CCDC57: variants seen among roughly 807,000 people sequenced by gnomAD.
The protein encoded by CCDC57 is coiled-coil domain containing 57.
In CCDC57, 118 loss-of-function variants were observed where a neutral mutation model predicts 118.9. The observed-to-expected ratio is 0.99, with a 90% CI of 0.86 to 1.16. The LOEUF (loss-of-function observed/expected upper bound fraction) is 1.16. Among genes scored for constraint, CCDC57 ranks in the 50% most tolerant of loss-of-function variants. The pLI is 0.00. For missense variants in CCDC57, 1,300 were observed against 1,320.7 expected, an observed-to-expected ratio of 0.98 and a Z score of 0.24; for synonymous variants, 527 against 532.9, an observed-to-expected ratio of 0.99 and a Z score of 0.15.
chr17:82,196,944 C>T (rs942037086), intron 4 of CCDC57, among the ~76,000 whole-genome samples: 3 of 144,890 alleles, frequency 2.1e-5, no homozygotes, highest in African/African-American at 5.2e-5. Flanking sequence ...CGCAGCCCCT[C>T]GTGACTCCTG....
At chr17:82,151,882 G>T in intron 15 of CCDC57, 109 bp from the exon 15 acceptor site, 1 of 904,362 alleles carries the variant, frequency 1.1e-6, no homozygotes, top group Non-Finnish European at 1.6e-6. Context: ...GGTGGGCACT[G>T]CTGGCTGTCA....
chr17:82,115,736 C>G (rs2035800263), intron 19 of CCDC57, among the ~76,000 whole-genome samples: 1 of 151,354 alleles, frequency 6.6e-6, no homozygotes, highest in African/African-American at 2.4e-5. Flanking sequence ...CCACTGCACT[C>G]CAGCCGGGGC....
At chr17:82,116,104 T>TTC (rs1196687542) in intron 19 of CCDC57, among the ~76,000 whole-genome samples, 1 of 144,246 alleles carries the variant, frequency 6.9e-6, no homozygotes, top group African/African-American at 2.6e-5. Context: ...GCCACAACCT[T>TTC]TTTTTTTTTT....
chr17:82,196,972 C>A lies in CCDC57; in HGVS notation c.516+1342G>T, dbSNP rs535868000. Among the ~76,000 whole-genome samples the A allele has an allele frequency of 4.7e-3, 670 of 143,490 alleles. 12 individuals are homozygous for A. Among genetic ancestry groups the A allele is most frequent in the African/African-American group, 0.017 (647 of 37,138 alleles). 94.1% of individuals were successfully genotyped at this position (143,490 alleles called of 152,430 possible). On this transcript the variant is annotated intron_variant, in intron 4 of 19. Coordinates refer to ENST00000665763, the Ensembl canonical transcript of CCDC57. ...GACTCCTGCACCTGCAGAGACGCAG[C>A]CCCTCGTGACTCCTGCAGAGACTCA...
At chr17:82,145,684 C>G (rs1049843610) in intron 16 of CCDC57, among the ~76,000 whole-genome samples, 1 of 152,188 alleles carries the variant, frequency 6.6e-6, no homozygotes, top group Non-Finnish European at 1.5e-5. Context: ...AGGCACTGCC[C>G]ACTCTGTGGG....
intron 16 of CCDC57, among the ~76,000 whole-genome samples, chr17:82,136,945 C>A (rs1019280688): frequency 1.3e-5 from 2 of 151,714 alleles, no homozygotes; most frequent in African/African-American, 4.8e-5. Context: ...TTTTAAAAAG[C>A]CATGAAATGT....
Position 82,115,587 on chromosome 17 carries a change from A to G in CCDC57, c.2899+12105T>C, listed in dbSNP as rs114907353. On this transcript the variant is annotated intron_variant, in intron 19 of 19. Transcript: ENST00000665763. The stretch of plus-strand genomic sequence containing the variant: ...GGAGTTCAAGACCATATTGGGCAAC[A>G]TAGTAAGACCCTGTCTGTACAAAAA... Among the ~76,000 whole-genome samples the G allele has an allele frequency of 7.1e-3, 1,077 of 151,954 alleles. 10 individuals carry two copies. Among genetic ancestry groups the G allele is most frequent in the African/African-American group, 0.025 (1,051 of 41,476 alleles).
rs112145940 is a variant in CCDC57, at chr17:82,194,905, C to T, written c.618+358G>A. Among the ~76,000 whole-genome samples, 31 of 152,386 alleles carry T rather than the reference C, an allele frequency of 2.0e-4. 2 individuals are homozygous for T. The highest frequency in any genetic ancestry group is 7.2e-4 in the African/African-American group (30 of 41,594). On this transcript the variant is annotated intron_variant, in intron 5 of 19. Coordinates refer to ENST00000665763, the Ensembl canonical transcript of CCDC57. ...TGGCTGCTGCACCCAAGCCTGCTGACATGAGGACCGGGCTGCGCCCGGCAT... is the reference window on the plus strand; with the variant it reads ...TGGCTGCTGCACCCAAGCCTGCTGATATGAGGACCGGGCTGCGCCCGGCAT...
At chr17:82,202,762 A>C (rs2049150687) in intron 2 of CCDC57, among the ~76,000 whole-genome samples, 1 of 152,218 alleles carries the variant, frequency 6.6e-6, no homozygotes, top group South Asian at 2.1e-4. Context: ...AAAATTAAAA[A>C]AATAAATTAA....
At chr17:82,113,897 G>A in intron 19 of CCDC57, 1 of 551,812 alleles carries the variant, frequency 1.8e-6, no homozygotes, top group Admixed American at 3.1e-5. Context: ...AGTGAACCAA[G>A]ATTGTGCCAC....
chr17:82,170,324 G>A lies in CCDC57; in HGVS notation c.1882+1377C>T, dbSNP rs1472465364. Among the ~76,000 whole-genome samples the A allele has an allele frequency of 7.9e-5, 12 of 152,120 alleles. No individual in the cohort carries two copies. In the East Asian group the frequency reaches 2.1e-3, roughly 27 times the overall value. On this transcript the variant is annotated intron_variant, in intron 13 of 19. Coordinates refer to ENST00000665763, the Ensembl canonical transcript of CCDC57. ...GGAGTTCGGGACCAGCCTGACCAAC[G>A]TGGTGAAACCTCATCTCTACTAAAA...
chr17:82,144,250 T>C (rs948230331), intron 16 of CCDC57, among the ~76,000 whole-genome samples: 1 of 151,856 alleles, frequency 6.6e-6, no homozygotes, highest in Non-Finnish European at 1.5e-5. Flanking sequence ...ATAGAGACTA[T>C]AGTGAGCTAC....
chr17:82,113,814 T>C (rs1181019012), intron 19 of CCDC57: 2 of 621,318 alleles, frequency 3.2e-6, no homozygotes, highest in Admixed American at 5.0e-5. Flanking sequence ...GCTATGGTGA[T>C]GTGCACCTGT....
exon 16 of CCDC57, chr17:82,151,770 G>C (rs552628951): frequency 6.5e-6 from 10 of 1,549,604 alleles, no homozygotes; most frequent in African/African-American, 4.1e-5. Context: ...CTCTTGGTGA[G>C]GCCCTGTAAC....
rs1281535665 is a variant in CCDC57, at chr17:82,198,955, T to C, written c.408-533A>G. 2.9e-5 allele frequency among the ~76,000 whole-genome samples: 4 copies of C among 137,190 alleles called. No homozygotes were observed. In the East Asian group the frequency reaches 8.6e-4, roughly 29 times the overall value. 90.0% of individuals were successfully genotyped at this position (137,190 alleles called of 152,430 possible). A position where few individuals can be genotyped will look rare whatever the true frequency, so the allele number is the denominator to read the frequency against. On this transcript the variant is annotated intron_variant, in intron 3 of 19. Coordinates refer to ENST00000665763, the Ensembl canonical transcript of CCDC57. ...TTGCAGTGAGCTGAGATCGTGCCAC[T>C]GCACTCCAGCCTGGGCGACAGAGCG...
At chr17:82,197,073 C>T (rs562784910) in intron 4 of CCDC57, among the ~76,000 whole-genome samples, 2 of 149,258 alleles carry the variant, frequency 1.3e-5, no homozygotes, top group Middle Eastern at 3.6e-3. Context: ...CCTGCAGAGA[C>T]GCAGCCCCTC....
At chr17:82,158,454 G>A (rs1350910026) in intron 14 of CCDC57, among the ~76,000 whole-genome samples, 1 of 152,110 alleles carries the variant, frequency 6.6e-6, no homozygotes, top group Non-Finnish European at 1.5e-5. Flanking sequence ...TTGGGAGGCC[G>A]AGGAGGGTGG....
intron 9 of CCDC57, among the ~76,000 whole-genome samples, chr17:82,182,704 G>A (rs527723929): frequency 2.1e-4 from 32 of 149,524 alleles, no homozygotes; most frequent in Admixed American, 6.7e-4. Context: ...TCATTTTTTT[G>A]AGACAGAATC....
intron 16 of CCDC57, among the ~76,000 whole-genome samples, chr17:82,148,071 T>A (rs1598902715): frequency 1.2e-5 from 1 of 85,212 alleles, no homozygotes; most frequent in Non-Finnish European, 2.4e-5. Context: ...GATGGATGGG[T>A]GGGTAGATGG....
Sources: gnomAD v4.1 joint callset for allele counts (sites outside exome capture counted in the v4.1 genomes callset) on GRCh38, gnomAD v4.1.1 for gene constraint, MANE v1.5 for transcripts, NCBI Gene and HGNC (gene_info 2026-07-23, HGNC 2026-07-21) for gene names.